SRPK1: variants seen among roughly 807,000 people sequenced by gnomAD.
SRPK1 encodes SFRS protein kinase 1.
A neutral mutation model predicts 89.5 loss-of-function variants in SRPK1; 52 were observed. The ratio of observed to expected loss-of-function variants is 0.58; its 90% CI spans 0.46 to 0.73. The LOEUF is 0.73. Ranked by LOEUF, SRPK1 falls within the 30% of genes least tolerant of loss-of-function variation. SRPK1 has a pLI of 0.00. For synonymous variants in SRPK1, 255 were observed against 270.2 expected (o/e 0.94, Z 0.55); for missense variants, 603 against 780.6 (o/e 0.77, Z 2.71).
chr6:35,872,331 T>C (rs777523214), intron 8 of SRPK1, among the ~76,000 whole-genome samples: 3 of 152,192 alleles, frequency 2.0e-5, no homozygotes, highest in Non-Finnish European at 4.4e-5. Context: ...GAAAAAATAT[T>C]TTTAAACAAT....
At chr6:35,854,376 T>C (rs922244183) in intron 13 of SRPK1, among the ~76,000 whole-genome samples, 3 of 152,234 alleles carry the variant, frequency 2.0e-5, no homozygotes, top group Non-Finnish European at 4.4e-5. Context: ...ATTAATTACA[T>C]TGGATGCAGG....
chr6:35,906,001 C>G (rs1770839721), intron 2 of SRPK1, among the ~76,000 whole-genome samples: 1 of 151,994 alleles, frequency 6.6e-6, no homozygotes, highest in African/African-American at 2.4e-5. Flanking sequence ...CTCCAAATAC[C>G]ATTTCCCACT....
At chr6:35,887,692 A>G (rs920086834) in intron 5 of SRPK1, 6 of 193,998 alleles carry the variant, frequency 3.1e-5, no homozygotes, top group African/African-American at 1.2e-4. Context: ...TTATTTACAC[A>G]ACTTTCCTTT....
chr6:35,890,840 G>T, intron 3 of SRPK1, 55 bp downstream of exon 3: 2 of 1,457,978 alleles, frequency 1.4e-6, no homozygotes, highest in South Asian at 1.4e-5. Context: ...ACATCCAAAC[G>T]AGAAATTGCA....
At chr6:35,836,059 T>C (rs1284987270) in intron 15 of SRPK1, among the ~76,000 whole-genome samples, 1 of 152,098 alleles carries the variant, frequency 6.6e-6, no homozygotes, top group Non-Finnish European at 1.5e-5. Flanking sequence ...CAATACCCCC[T>C]ATGGTACCAG....
chr6:35,873,066 A>G (rs374165538), intron 7 of SRPK1, among the ~76,000 whole-genome samples: 14 of 152,182 alleles, frequency 9.2e-5, no homozygotes, highest in African/African-American at 2.9e-4. Context: ...AGACATTTAG[A>G]TATCTTTAAT....
chr6:35,908,520 T>C (rs1770896319), intron 2 of SRPK1, among the ~76,000 whole-genome samples: 3 of 152,222 alleles, frequency 2.0e-5, no homozygotes, highest in Admixed American at 2.0e-4. Flanking sequence ...AGAAGAAATT[T>C]CTAAGCAGCA....
chr6:35,887,816 A>C (rs1248156836), intron 5 of SRPK1: 3 of 386,638 alleles, frequency 7.8e-6, no homozygotes, highest in African/African-American at 6.2e-5. Flanking sequence ...GCGTGTAAGA[A>C]GAATTCTCAT....
chr6:35,855,512 AAATGTT>A (rs1427755717), intron 13 of SRPK1, among the ~76,000 whole-genome samples: 1 of 152,190 alleles, frequency 6.6e-6, no homozygotes, highest in Non-Finnish European at 1.5e-5. Flanking sequence ...TGTGAATATT[AAATGTT>A]ACTTGAAATG....
chr6:35,908,365 T>A (rs1451216906), intron 2 of SRPK1, among the ~76,000 whole-genome samples: 1 of 152,192 alleles, frequency 6.6e-6, no homozygotes, highest in East Asian at 1.9e-4. Flanking sequence ...CAGGCTGAAG[T>A]GGTCTCAGAC....
intron 13 of SRPK1, among the ~76,000 whole-genome samples, chr6:35,845,289 T>C (rs924263347): frequency 1.3e-5 from 2 of 152,212 alleles, no homozygotes; most frequent in African/African-American, 2.4e-5. Flanking sequence ...TGTAGGTTCA[T>C]TGTTTGTAAC....
chr6:35,889,977 G>A (rs1311513940), intron 3 of SRPK1, among the ~76,000 whole-genome samples: 3 of 151,492 alleles, frequency 2.0e-5, no homozygotes, highest in Admixed American at 6.6e-5. Flanking sequence ...GTATGGTGGC[G>A]GGCGCCTGTA....
At chr6:35,912,010 C>T (rs538183449) in intron 2 of SRPK1, among the ~76,000 whole-genome samples, 60 of 151,886 alleles carry the variant, frequency 4.0e-4, no homozygotes, top group African/African-American at 1.4e-3. Context: ...CTTGAGCAGC[C>T]GCCAGATGAG....
At chr6:35,911,145 T>A (rs1032393891) in intron 2 of SRPK1, among the ~76,000 whole-genome samples, 1 of 152,222 alleles carries the variant, frequency 6.6e-6, no homozygotes, top group Non-Finnish European at 1.5e-5. Context: ...GAAAAATCTA[T>A]TGAAAACCTT....
intron 6 of SRPK1, among the ~76,000 whole-genome samples, chr6:35,877,965 T>G (rs1486501329): frequency 2.0e-5 from 3 of 152,114 alleles, no homozygotes; most frequent in African/African-American, 7.2e-5. Flanking sequence ...ATTAGTGAAT[T>G]TGATGGCACA....
At chr6:35,917,034 C>T (rs1771119098) in intron 2 of SRPK1, among the ~76,000 whole-genome samples, 1 of 151,638 alleles carries the variant, frequency 6.6e-6, no homozygotes, top group African/African-American at 2.4e-5. Flanking sequence ...CACTCCAGCC[C>T]GGGTGACAGA....
At position 35,875,372 on chromosome 6, in the gene SRPK1, C is replaced by T. The variant is rs571894067; in HGVS notation, c.479-1033G>A. 1.6e-3 allele frequency among the ~76,000 whole-genome samples: 236 copies of T among 151,842 alleles called. 3 individuals carry two copies. Among genetic ancestry groups the T allele is most frequent in the African/African-American group, 4.9e-3 (203 of 41,382 alleles). ...TCGGCACTACAGGTGTGTACCACCA[C>T]GCTGGGCTAATTTTTGTATTTTTAG... On this transcript the variant is annotated intron_variant, in intron 6 of 15. Coordinates refer to ENST00000373825, the MANE Select transcript of SRPK1 (RefSeq NM_003137.5).
chr6:35,915,425 GA>G (rs1771068002), intron 2 of SRPK1, among the ~76,000 whole-genome samples: 1 of 116,756 alleles, frequency 8.6e-6, no homozygotes, highest in Non-Finnish European at 1.9e-5. Flanking sequence ...AAAAAAAAAA[GA>G]AAAATCTTGC....
intron 2 of SRPK1, among the ~76,000 whole-genome samples, chr6:35,903,993 A>T (rs909161932): frequency 6.6e-6 from 1 of 150,916 alleles, no homozygotes; most frequent in African/African-American, 2.4e-5. Flanking sequence ...TTTTAAAGAC[A>T]GGGTCCCACT....
Sources: allele counts gnomAD v4.1 joint callset (sites outside exome capture counted in the v4.1 genomes callset), GRCh38; gene constraint gnomAD v4.1.1; transcripts MANE v1.5; gene names NCBI Gene and HGNC (gene_info 2026-07-23, HGNC 2026-07-21).